GAB2: variants seen among roughly 807,000 people sequenced by gnomAD.
GAB2 encodes the protein GRB2 associated binding protein 2.
GAB2 carries 26 observed loss-of-function variants against 65.5 expected under a neutral mutation model. That is an observed-to-expected ratio of 0.40 (90% CI 0.29 to 0.55). GAB2 has a LOEUF of 0.55. GAB2 is among the 20% of genes least tolerant of loss of function. The probability of loss-of-function intolerance (pLI) is 0.53; values close to 1 mark genes in which losing one functional copy is unlikely to be tolerated. For missense variants in GAB2, 884 were observed against 875.8 expected, an observed-to-expected ratio of 1.01 and a Z score of -0.12; for synonymous variants, 321 against 329.6, an observed-to-expected ratio of 0.97 and a Z score of 0.28.
chr11:78,345,648 G>A (rs530433994), intron 1 of GAB2, among the ~76,000 whole-genome samples: 2 of 152,170 alleles, frequency 1.3e-5, no homozygotes, highest in African/African-American at 2.4e-5. Flanking sequence ...GAAGAACTAC[G>A]CCTTGAGCTG....
intron 2 of GAB2, among the ~76,000 whole-genome samples, chr11:78,251,070 A>G (rs2512548): frequency 0.23 from 34,401 of 151,726 alleles, 4,367 homozygotes; most frequent in East Asian, 0.4. Flanking sequence ...CCCATGTAAC[A>G]CACTTGCACA....
chr11:78,355,439 G>A (rs747072392), intron 1 of GAB2, among the ~76,000 whole-genome samples: 2 of 152,150 alleles, frequency 1.3e-5, no homozygotes, highest in African/African-American at 2.4e-5. Flanking sequence ...CAGTTAACCA[G>A]ATGAGAATTC....
intron 1 of GAB2, among the ~76,000 whole-genome samples, chr11:78,359,779 G>A (rs751919748): frequency 2.0e-5 from 3 of 152,190 alleles, no homozygotes; most frequent in Non-Finnish European, 4.4e-5. Context: ...GGTATGCTAA[G>A]ATTCTTACAT....
At chr11:78,305,512 C>T (rs960603909) in intron 1 of GAB2, among the ~76,000 whole-genome samples, 1 of 152,160 alleles carries the variant, frequency 6.6e-6, no homozygotes, top group Non-Finnish European at 1.5e-5. Flanking sequence ...AGCCAGCCTT[C>T]TTTGTAACTT....
In GAB2 at chr11:78,288,901, T is replaced by A. The variant is rs145745582; in HGVS notation, c.76-8000A>T. Among the ~76,000 whole-genome samples the A allele has an allele frequency of 7.5e-3, 1,147 of 152,358 alleles. 11 individuals carry two copies. The highest frequency in any genetic ancestry group is 0.026 in the African/African-American group (1,100 of 41,574). Reference sequence around the variant, plus strand: ...AAAAATAAAATGGGAAGAATCAGTCTGCCAGATTTTAAGACTTATTATATA... The same window carrying A: ...AAAAATAAAATGGGAAGAATCAGTCAGCCAGATTTTAAGACTTATTATATA... On this transcript the variant is annotated intron_variant, in intron 1 of 9. Coordinates refer to ENST00000361507, the MANE Select transcript of GAB2 (RefSeq NM_080491.3).
At position 78,226,742 on chromosome 11, in the gene GAB2, C is replaced by G. The variant is rs755332649; in HGVS notation, c.930G>C (p.Leu310=). 6.2e-7 allele frequency: 1 copy of G among 1,614,016 alleles called. No homozygotes were observed. Among genetic ancestry groups the G allele is most frequent in the Non-Finnish European group, 8.5e-7 (1 of 1,179,950 alleles). ...NTLCREFGDL[L]VDNMDVPATP... Reference sequence around the variant, plus strand: ...TGGCCGGAACATCCATATTGTCTACCAGGAGGTCCCCGAACTCCCTGCACA... The same window carrying G: ...TGGCCGGAACATCCATATTGTCTACGAGGAGGTCCCCGAACTCCCTGCACA... Residue 310 remains leucine (L), a synonymous_variant, in exon 4 of 10, where the codon CTG becomes CTC. Coordinates refer to ENST00000361507, the MANE Select transcript of GAB2 (RefSeq NM_080491.3).
chr11:78,357,319 G>A (rs1205040128), intron 1 of GAB2, among the ~76,000 whole-genome samples: 3 of 152,014 alleles, frequency 2.0e-5, no homozygotes, highest in African/African-American at 7.2e-5. Context: ...GCACTGAAAG[G>A]AACCATAAAA....
chr11:78,281,404 C>T (rs1866332053), intron 1 of GAB2, among the ~76,000 whole-genome samples: 2 of 152,142 alleles, frequency 1.3e-5, no homozygotes, highest in Admixed American at 1.3e-4. Flanking sequence ...TGCCACCACG[C>T]CTGGCTAATT....
At chr11:78,335,892 C>A (rs933339099) in intron 1 of GAB2, among the ~76,000 whole-genome samples, 1 of 151,870 alleles carries the variant, frequency 6.6e-6, no homozygotes, top group Non-Finnish European at 1.5e-5. Flanking sequence ...TTTTCTGGTG[C>A]CTTCTTTAGT....
At position 78,407,772 on chromosome 11, in the gene GAB2, GAGAA is replaced by G. The variant is rs531700030; in HGVS notation, c.75+9870_75+9873del. Among the ~76,000 whole-genome samples the G allele has an allele frequency of 2.3e-3, 340 of 147,480 alleles. 1 individual carries two copies. Among genetic ancestry groups the G allele is most frequent in the Middle Eastern group, 7.4e-3 (2 of 272 alleles). ...AAAAAGAAAGAAAGAAAGAAAGAGA[GAGAA>G]AGAAAGAAAGAAAAGAAAAGAAAGA... On this transcript the variant is annotated intron_variant, in intron 1 of 9. Coordinates refer to ENST00000361507, the MANE Select transcript of GAB2 (RefSeq NM_080491.3).
At chr11:78,316,473 A>G (rs887836046) in intron 1 of GAB2, among the ~76,000 whole-genome samples, 12 of 152,234 alleles carry the variant, frequency 7.9e-5, no homozygotes, top group Non-Finnish European at 1.5e-4. Context: ...TTAACTAAAA[A>G]TTGACAAAGG....
At chr11:78,273,900 C>T (rs557490466) in intron 2 of GAB2, among the ~76,000 whole-genome samples, 11 of 152,302 alleles carry the variant, frequency 7.2e-5, no homozygotes, top group African/African-American at 1.4e-4. Context: ...AGCTCTCTCT[C>T]GGCCTGCTGC....
intron 2 of GAB2, among the ~76,000 whole-genome samples, chr11:78,252,189 G>C (rs992074704): frequency 1.1e-4 from 16 of 152,188 alleles, no homozygotes; most frequent in African/African-American, 3.1e-4. Context: ...ATGCTCTACA[G>C]TATTAATTAC....
chr11:78,252,624 T>G (rs1234511046), intron 2 of GAB2, among the ~76,000 whole-genome samples: 2 of 152,114 alleles, frequency 1.3e-5, no homozygotes, highest in African/African-American at 4.8e-5. Context: ...AGCCTCTCTC[T>G]CCCGCTGAAG....
intron 1 of GAB2, among the ~76,000 whole-genome samples, chr11:78,284,270 T>C (rs1419111764): frequency 2.0e-5 from 3 of 152,236 alleles, no homozygotes; most frequent in Non-Finnish European, 2.9e-5. Flanking sequence ...CCTGGTCTAG[T>C]CCACCATTTT....
intron 1 of GAB2, among the ~76,000 whole-genome samples, chr11:78,406,313 C>A (rs1857043589): frequency 1.3e-5 from 2 of 152,230 alleles, no homozygotes; most frequent in South Asian, 4.1e-4. Flanking sequence ...TCAGAGAAAT[C>A]CAGATAAAAC....
At chr11:78,344,685 C>G (rs1430668125) in intron 1 of GAB2, among the ~76,000 whole-genome samples, 1 of 152,170 alleles carries the variant, frequency 6.6e-6, no homozygotes, top group Non-Finnish European at 1.5e-5. Context: ...TGTTATTCAT[C>G]TACACAGTGA....
At chr11:78,380,845 C>A (rs1856688843) in intron 1 of GAB2, among the ~76,000 whole-genome samples, 1 of 148,924 alleles carries the variant, frequency 6.7e-6, no homozygotes, top group African/African-American at 2.5e-5. Context: ...GAACGTTGTC[C>A]CTCCTCATGG....
chr11:78,343,111 G>A (rs1365151613), intron 1 of GAB2, among the ~76,000 whole-genome samples: 1 of 151,912 alleles, frequency 6.6e-6, no homozygotes, highest in Non-Finnish European at 1.5e-5. Context: ...ACTTTTTTGA[G>A]GAATCAACTT....
Sources: allele counts gnomAD v4.1 joint callset (sites outside exome capture counted in the v4.1 genomes callset), GRCh38; gene constraint gnomAD v4.1.1; transcripts MANE v1.5; gene names NCBI Gene and HGNC (gene_info 2026-07-23, HGNC 2026-07-21).